Variants in DCC observed in about 807,000 individuals in gnomAD.
DCC encodes the protein netrin receptor DCC.
DCC carries 58 observed loss-of-function variants against 172.5 expected under a neutral mutation model. That is an observed-to-expected ratio of 0.34 (90% confidence interval 0.27 to 0.42). The LOEUF (loss-of-function observed/expected upper bound fraction) is 0.42, where lower values mean the gene tolerates loss of function less well. DCC is among the 10% of genes least tolerant of loss of function. DCC has a pLI of 1.00. For synonymous variants in DCC, 709 were observed against 644.5 expected, an observed-to-expected ratio of 1.10 and a Z score of -1.52; for missense variants, 1,740 against 1,791.0, an observed-to-expected ratio of 0.97 and a Z score of 0.51.
At chr18:52,864,578 A>G (rs2039191227) in intron 2 of DCC, among the ~76,000 whole-genome samples, 1 of 152,124 alleles carries the variant, frequency 6.6e-6, no homozygotes, top group Non-Finnish European at 1.5e-5. Flanking sequence ...ACATGGGTAT[A>G]CACACGTTAC....
intron 18 of DCC, 62 bp from the exon 19 acceptor site, chr18:53,402,724 C>A: frequency 8.6e-7 from 1 of 1,166,330 alleles, no homozygotes; most frequent in Non-Finnish European, 1.3e-6. Flanking sequence ...GATGAAATTT[C>A]CAACAATGTT....
chr18:53,512,834 A>T (rs2046274792), intron 27 of DCC, among the ~76,000 whole-genome samples: 1 of 151,838 alleles, frequency 6.6e-6, no homozygotes, highest in Non-Finnish European at 1.5e-5. Context: ...TCTACGTCTG[A>T]TTGGTGTACC....
At chr18:53,530,501 G>A (rs113549497) in intron 28 of DCC, 63 bp from the exon 29 acceptor site, 26 of 935,646 alleles carry the variant, frequency 2.8e-5, no homozygotes, top group African/African-American at 4.8e-5. Flanking sequence ...CTGTGGCCCC[G>A]GCCTTCATAA....
chr18:52,677,465 G>A (rs1599011053), intron 1 of DCC, among the ~76,000 whole-genome samples: 5 of 151,946 alleles, frequency 3.3e-5, no homozygotes, highest in Middle Eastern at 3.4e-3. Context: ...GCCATCCCTG[G>A]TTCTGTGATG....
chr18:52,926,535 A>G (rs2040204527), intron 5 of DCC, among the ~76,000 whole-genome samples: 1 of 151,798 alleles, frequency 6.6e-6, no homozygotes, highest in African/African-American at 2.4e-5. Context: ...TCACATTTGT[A>G]GTATCAAAAT....
chr18:53,348,360 T>C (rs1288446087), intron 15 of DCC, among the ~76,000 whole-genome samples: 1 of 152,212 alleles, frequency 6.6e-6, no homozygotes, highest in Admixed American at 6.5e-5. Flanking sequence ...GTCACACTGA[T>C]GCAAGACGTG....
intron 2 of DCC, among the ~76,000 whole-genome samples, chr18:52,846,802 C>A (rs906605412): frequency 6.6e-6 from 1 of 152,092 alleles, no homozygotes; most frequent in Admixed American, 6.6e-5. Context: ...AGAAAGACTT[C>A]CAACAGGAGT....
chr18:53,202,910 A>C (rs1264244054), intron 9 of DCC, among the ~76,000 whole-genome samples: 2 of 152,150 alleles, frequency 1.3e-5, no homozygotes, highest in African/African-American at 2.4e-5. Flanking sequence ...CCTGAAAGTC[A>C]ATGTATTTAG....
chr18:52,391,567 C>T (rs982463662), intron 1 of DCC, among the ~76,000 whole-genome samples: 2 of 152,082 alleles, frequency 1.3e-5, no homozygotes, highest in African/African-American at 2.4e-5. Context: ...GGGTCTTTGT[C>T]CTGCTTTGAG....
At chr18:52,892,152 T>C (rs114738540) in intron 2 of DCC, among the ~76,000 whole-genome samples, 2,013 of 152,176 alleles carry the variant, frequency 0.013, 34 homozygotes, top group African/African-American at 0.046. Flanking sequence ...AAATAAATAC[T>C]TCTTGATGCT....
At chr18:53,201,191 C>T (rs2144538148) in intron 9 of DCC, among the ~76,000 whole-genome samples, 1 of 152,270 alleles carries the variant, frequency 6.6e-6, no homozygotes, top group Non-Finnish European at 1.5e-5. Flanking sequence ...TAGGGCTCAG[C>T]TCTCACCTGC....
In DCC at chr18:52,608,848, T is replaced by A. The variant is rs118031282; in HGVS notation, c.92-143206T>A. Among the ~76,000 whole-genome samples, 14 of 152,318 alleles carry A rather than the reference T, an allele frequency of 9.2e-5. No individual in the cohort carries two copies. In the East Asian group the frequency reaches 2.5e-3, roughly 27 times the overall value. On this transcript the variant is annotated intron_variant, in intron 1 of 28. Transcript: ENST00000442544. ...GTGGGATGTAAAAACCAAACTTGGC[T>A]TCGTGTTGCCATCTGCCCTGAGATA...
chr18:53,069,304 GT>G (rs2042620509), intron 7 of DCC, among the ~76,000 whole-genome samples: 1 of 152,204 alleles, frequency 6.6e-6, no homozygotes, highest in Non-Finnish European at 1.5e-5. Context: ...ACCTGGAGCT[GT>G]CCACAATGCA....
intron 2 of DCC, among the ~76,000 whole-genome samples, chr18:52,875,710 C>T (rs1470236774): frequency 6.6e-6 from 1 of 152,192 alleles, no homozygotes; most frequent in African/African-American, 2.4e-5. Context: ...CTGTATTTTG[C>T]AGGCTTGCAG....
At chr18:52,538,276 T>A (rs2032342462) in intron 1 of DCC, among the ~76,000 whole-genome samples, 1 of 152,168 alleles carries the variant, frequency 6.6e-6, no homozygotes, top group Non-Finnish European at 1.5e-5. Flanking sequence ...TAAGTCAACC[T>A]CAACTTTCCA....
At chr18:53,161,089 A>G (rs2054831258) in intron 8 of DCC, among the ~76,000 whole-genome samples, 1 of 152,162 alleles carries the variant, frequency 6.6e-6, no homozygotes, top group Non-Finnish European at 1.5e-5. Flanking sequence ...ATTTTGCTTC[A>G]ATTTCACTTT....
chr18:53,512,183 A>AC (rs141275587), intron 27 of DCC, among the ~76,000 whole-genome samples: 1 of 151,702 alleles, frequency 6.6e-6, no homozygotes, highest in East Asian at 2.0e-4. Flanking sequence ...ACTGGGAGGC[A>AC]CCCCCCAGCA....
In DCC at chr18:52,497,277, A is replaced by T. The variant is rs1568198403; in HGVS notation, c.91+156399A>T. Among the ~76,000 whole-genome samples the T allele has an allele frequency of 9.9e-3, 343 of 34,722 alleles. 23 individuals carry two copies. Among genetic ancestry groups the T allele is most frequent in the Middle Eastern group, 0.019 (1 of 54 alleles). The allele number at this position is 34,722 out of a possible 152,430, so 22.8% of individuals were successfully genotyped here. A position where few individuals can be genotyped will look rare whatever the true frequency, so the allele number is the denominator to read the frequency against. On this transcript the variant is annotated intron_variant, in intron 1 of 28. Coordinates refer to ENST00000442544, the MANE Select transcript of DCC (RefSeq NM_005215.4). ...CCCTGTATCAAAAAAAAAAAAAAAA[A>T]AAAATATATATATATATATATATAT... is the stretch of plus-strand genomic sequence containing the variant.
At chr18:52,790,114 C>T (rs139563962) in intron 2 of DCC, among the ~76,000 whole-genome samples, 166 of 152,208 alleles carry the variant, frequency 1.1e-3, no homozygotes, top group African/African-American at 3.9e-3. Context: ...GGAAGATACC[C>T]ACCACTGTAA....
Sources: gnomAD v4.1 joint callset for allele counts (sites outside exome capture counted in the v4.1 genomes callset) on GRCh38, gnomAD v4.1.1 for gene constraint, MANE v1.5 for transcripts, NCBI Gene and HGNC (gene_info 2026-07-23, HGNC 2026-07-21) for gene names.